The following ZFP64 variants were observed in gnomAD, a reference collection of about 807,000 sequenced individuals.
ZFP64 encodes zinc finger protein 64.
In ZFP64, 14 loss-of-function variants were observed where a neutral mutation model predicts 51.6. The observed-to-expected ratio is 0.27, with a 90% CI of 0.18 to 0.42. The LOEUF (loss-of-function observed/expected upper bound fraction) is 0.42, where lower values mean the gene tolerates loss of function less well. ZFP64 is among the 10% of genes least tolerant of loss of function. The pLI is 1.00. For synonymous variants in ZFP64, 375 were observed against 361.4 expected (o/e 1.04, Z -0.43); for missense variants, 754 against 906.8 (o/e 0.83, Z 2.16).
At chr20:52,176,124 A>G (rs1478678451) in intron 2 of ZFP64, 1 of 219,610 alleles carries the variant, frequency 4.6e-6, no homozygotes, top group Non-Finnish European at 7.7e-6. Context: ...TCCTGCAGCC[A>G]GGCGTATTGG....
chr20:52,147,625 T>G (rs758739271), downstream of ZFP64, among the ~76,000 whole-genome samples: 37 of 152,332 alleles, frequency 2.4e-4, no homozygotes, highest in Admixed American at 6.5e-4. Context: ...GAATTTTTCT[T>G]TAATATAGAC....
rs1600775539 is a variant in ZFP64 at position 52,160,638 on chromosome 20, G to A, written c.512-264C>T. Among the ~76,000 whole-genome samples, 3 of 152,044 alleles carry A rather than the reference G, an allele frequency of 2.0e-5. No homozygotes were observed. Among genetic ancestry groups the A allele is most frequent in the Non-Finnish European group, 4.4e-5 (3 of 68,004 alleles). ...ATTTTTTATAAATTAAAAATAGAAG[G>A]CAATTAAAATTTTAAAGTATAGGTA... On this transcript the variant is annotated intron_variant, in intron 4 of 5. Coordinates refer to ENST00000216923, the MANE Select transcript of ZFP64 (RefSeq NM_018197.3). The surrounding 1 kb of genome is among the most constrained non-coding windows in gnomAD (Gnocchi z 4.2).
At chr20:52,167,359 T>C (rs1166430259) in intron 2 of ZFP64, among the ~76,000 whole-genome samples, 1 of 151,868 alleles carries the variant, frequency 6.6e-6, no homozygotes, top group African/African-American at 2.4e-5. Context: ...AATAAGTAAA[T>C]AATAAATAAA....
intron 5 of ZFP64, among the ~76,000 whole-genome samples, chr20:52,116,741 T>A (rs1309981578): frequency 2.0e-5 from 3 of 152,186 alleles, no homozygotes; most frequent in Non-Finnish European, 4.4e-5. Flanking sequence ...GCATAATATG[T>A]ATAACATAAT....
intron 7 of ZFP64, chr20:52,096,897 A>C (rs2078994700): frequency 2.8e-6 from 1 of 356,180 alleles, no homozygotes; most frequent in African/African-American, 2.1e-5. Flanking sequence ...TCAGAGAAAA[A>C]AACAAAACAA....
intron 5 of ZFP64, chr20:52,111,105 C>CGCGGA (rs1600717169): frequency 3.3e-6 from 3 of 904,200 alleles, no homozygotes; most frequent in Non-Finnish European, 5.4e-6. Context: ...GGGAGAGAGA[C>CGCGGA]GCGGAGCGGG....
At chr20:52,113,008 T>C (rs1978675233) in intron 5 of ZFP64, among the ~76,000 whole-genome samples, 1 of 152,090 alleles carries the variant, frequency 6.6e-6, no homozygotes. Flanking sequence ...TAAATGTTTA[T>C]CCAGGCACAA....
At chr20:52,165,203 C>T (rs768082744) in intron 3 of ZFP64, 54 of 456,798 alleles carry the variant, frequency 1.2e-4, no homozygotes, top group Admixed American at 2.6e-4. Flanking sequence ...CACTTGATGA[C>T]GAAATCTGAC....
chr20:52,165,404 T>C, intron 3 of ZFP64: 1 of 454,376 alleles, frequency 2.2e-6, no homozygotes, highest in Non-Finnish European at 4.4e-6. Flanking sequence ...TATATATTTG[T>C]ATATATACAA....
exon 9 of ZFP64, chr20:52,084,517 G>A: frequency 1.3e-6 from 2 of 1,572,208 alleles, no homozygotes; most frequent in African/African-American, 1.3e-5. Context: ...CAACAGCACT[G>A]GTCAGAAGTT....
chr20:52,115,642 T>C (rs1978823777), intron 5 of ZFP64, among the ~76,000 whole-genome samples: 1 of 152,116 alleles, frequency 6.6e-6, no homozygotes. Flanking sequence ...CTTGAATTTC[T>C]GGGCTCAAGT....
At chr20:52,109,799 A>AAAAG (rs1476999574) in intron 5 of ZFP64, among the ~76,000 whole-genome samples, 66 of 151,024 alleles carry the variant, frequency 4.4e-4, no homozygotes, top group African/African-American at 1.5e-3. Context: ...AAAAAAAAAA[A>AAAAG]AAAGAAAAAA....
At chr20:52,115,220 C>CAAAT (rs1978801983) in intron 5 of ZFP64, among the ~76,000 whole-genome samples, 1 of 133,454 alleles carries the variant, frequency 7.5e-6, no homozygotes, top group Non-Finnish European at 1.6e-5. Context: ...AAAAAAGAAA[C>CAAAT]ACCAGGCTGG....
At chr20:52,123,463 A>G (rs1209419581) in intron 5 of ZFP64, among the ~76,000 whole-genome samples, 10 of 152,196 alleles carry the variant, frequency 6.6e-5, no homozygotes, top group Non-Finnish European at 1.5e-4. Flanking sequence ...CCACCCCAAC[A>G]TTCAGCAACC....
At chr20:52,165,354 T>C (rs1382609677) in intron 3 of ZFP64, 1 of 455,616 alleles carries the variant, frequency 2.2e-6, no homozygotes, top group Admixed American at 2.4e-5. Context: ...CATCACATTG[T>C]CAGCAACTTT....
At chr20:52,126,887 T>C (rs6123134) in intron 5 of ZFP64, among the ~76,000 whole-genome samples, 63,881 of 151,074 alleles carry the variant, frequency 0.42, 14,492 homozygotes, top group Admixed American at 0.51. Flanking sequence ...CTCTTATGGG[T>C]AGGTTTTCCG....
At chr20:52,182,001 C>G (rs543249011) in intron 2 of ZFP64, among the ~76,000 whole-genome samples, 1 of 152,328 alleles carries the variant, frequency 6.6e-6, no homozygotes, top group East Asian at 1.9e-4. Flanking sequence ...AGCTGCAGAT[C>G]TCACCATCCT....
chr20:52,140,122 C>G (rs1980186169), intron 5 of ZFP64, among the ~76,000 whole-genome samples: 1 of 152,106 alleles, frequency 6.6e-6, no homozygotes, highest in African/African-American at 2.4e-5. Flanking sequence ...TGTGTTCTGA[C>G]TGCTCCACAG....
Position 52,152,797 on chromosome 20 carries a change from G to T in ZFP64, c.1395C>A (p.Ile465=), listed in dbSNP as rs779898076. ...NSDVTVLQFQ[I]DPSKQPATPL... ...GCGTGGCGGGCTGCTTGCTGGGGTC[G>T]ATCTGAAACTGGAGAACGGTCACGT... Residue 465 remains isoleucine, a synonymous_variant, in exon 6 of 6, where the codon ATC becomes ATA. Coordinates refer to ENST00000216923, the MANE Select transcript of ZFP64 (RefSeq NM_018197.3). The T allele has an allele frequency of 1.2e-6, 2 of 1,609,660 alleles. No individual in the cohort carries two copies. The highest frequency in any genetic ancestry group is 1.7e-6 in the Non-Finnish European group (2 of 1,176,482).
Sources: gnomAD v4.1 joint callset for allele counts (sites outside exome capture counted in the v4.1 genomes callset) on GRCh38, gnomAD v4.1.1 for gene constraint, Gnocchi (gnomAD v3.1) non-coding constraint, MANE v1.5 for transcripts, NCBI Gene and HGNC (gene_info 2026-07-23, HGNC 2026-07-21) for gene names.